DCC: variants seen among roughly 807,000 people sequenced by gnomAD.
The protein encoded by DCC is DCC netrin 1 receptor, also known as netrin receptor DCC.
Under a neutral mutation model 172.5 loss-of-function variants are expected in DCC, and 58 were observed. The observed-to-expected ratio is 0.34, with a 90% CI of 0.27 to 0.42. DCC has a LOEUF of 0.42. Among genes scored for constraint, DCC ranks in the 10% least tolerant of loss-of-function variants. The pLI, the probability that DCC is intolerant of heterozygous loss-of-function variation, is 1.00. For missense variants in DCC, 1,740 were observed against 1,791.0 expected, an observed-to-expected ratio of 0.97 and a Z score of 0.51; for synonymous variants, 709 against 644.5, an observed-to-expected ratio of 1.10 and a Z score of -1.52.
intron 1 of DCC, among the ~76,000 whole-genome samples, chr18:52,438,814 T>C (rs1987878464): frequency 6.6e-6 from 1 of 152,168 alleles, no homozygotes; most frequent in African/African-American, 2.4e-5. Flanking sequence ...TAAAATTCCT[T>C]GAGTTGTGTT....
intron 1 of DCC, among the ~76,000 whole-genome samples, chr18:52,619,849 G>A (rs2034448604): frequency 6.6e-6 from 1 of 152,116 alleles, no homozygotes; most frequent in Admixed American, 6.5e-5. Flanking sequence ...CCCTCTCTCT[G>A]ATAAATTGAG....
At chr18:53,274,308 A>G (rs1195049462) in intron 12 of DCC, among the ~76,000 whole-genome samples, 1 of 152,092 alleles carries the variant, frequency 6.6e-6, no homozygotes, top group Non-Finnish European at 1.5e-5. Flanking sequence ...ACTCGTAGGG[A>G]TTGTGATTGT....
intron 1 of DCC, among the ~76,000 whole-genome samples, chr18:52,644,809 A>AAGGGAGGG (rs779171722): frequency 2.9e-5 from 3 of 104,010 alleles, no homozygotes; most frequent in African/African-American, 7.5e-5. Flanking sequence ...GGAAGGAAGG[A>AAGGGAGGG]AGGGAGGGAG....
In DCC at chr18:53,063,308, C is replaced by T. The variant is rs138541235; in HGVS notation, c.989C>T (p.Pro330Leu). 37 of 1,612,652 alleles carry T rather than the reference C, an allele frequency of 2.3e-5. No homozygotes were observed. The African/African-American group carries it at 2.4e-4, about 10-fold the overall frequency. ...SASAELTVLVPPWFLNHPSNL... is the reference protein window; with the variant it reads ...SASAELTVLVLPWFLNHPSNL... ...TTTTTTTTTTCTGTCTTTGCAGTTC[C>T]GCCATGGTTTTTAAATCATCCTTCC... The change falls in exon 6 of 29, where the codon CCG becomes CTG. Residue 330 changes from proline to leucine, a missense_variant. Pro to Leu is a moderately conservative substitution (Grantham distance 98). Coordinates refer to ENST00000442544, the MANE Select transcript of DCC (RefSeq NM_005215.4).
intron 1 of DCC, among the ~76,000 whole-genome samples, chr18:52,439,290 A>C (rs985761481): frequency 6.6e-5 from 10 of 151,892 alleles, no homozygotes; most frequent in Middle Eastern, 6.8e-3. Context: ...TTGAGAGTAC[A>C]CATCAATAAG....
intron 1 of DCC, among the ~76,000 whole-genome samples, chr18:52,399,218 G>T (rs1234281878): frequency 6.6e-6 from 1 of 151,560 alleles, no homozygotes; most frequent in African/African-American, 2.4e-5. Context: ...TTTCTTTTCT[G>T]GACAAAAGGA....
chr18:53,111,222 G>A (rs1402241302), intron 7 of DCC, among the ~76,000 whole-genome samples: 3 of 132,816 alleles, frequency 2.3e-5, no homozygotes, highest in Admixed American at 8.3e-5. Context: ...ACACAGGAAG[G>A]GGAACATCAC....
intron 9 of DCC, among the ~76,000 whole-genome samples, chr18:53,200,462 T>C (rs935401362): frequency 1.2e-4 from 19 of 152,192 alleles, no homozygotes; most frequent in Non-Finnish European, 2.6e-4. Context: ...GAGTCCCTTC[T>C]ATGTAGCAAC....
At chr18:53,419,070 TG>T in intron 21 of DCC, among the ~76,000 whole-genome samples, 1 of 152,260 alleles carries the variant, frequency 6.6e-6, no homozygotes, top group African/African-American at 2.4e-5. Flanking sequence ...TTTCGTTTTT[TG>T]TAGGGTTGGG....
intron 26 of DCC, among the ~76,000 whole-genome samples, chr18:53,492,884 A>G (rs2045974720): frequency 6.6e-6 from 1 of 152,128 alleles, no homozygotes; most frequent in African/African-American, 2.4e-5. Context: ...CTGATGGGGT[A>G]GCGTTGAATC....
At chr18:52,398,732 T>C (rs1233557759) in intron 1 of DCC, among the ~76,000 whole-genome samples, 1 of 152,014 alleles carries the variant, frequency 6.6e-6, no homozygotes, top group Non-Finnish European at 1.5e-5. Flanking sequence ...TTAGGAGTGA[T>C]ATAAATAGGA....
chr18:53,267,040 T>G (rs1171094199), intron 12 of DCC, among the ~76,000 whole-genome samples: 10 of 151,908 alleles, frequency 6.6e-5, no homozygotes, highest in Admixed American at 5.3e-4. Context: ...GGTAGACAAC[T>G]AGATTAATTG....
intron 11 of DCC, among the ~76,000 whole-genome samples, chr18:53,209,082 GGCCACA>G (rs1264413573): frequency 6.6e-6 from 1 of 152,152 alleles, no homozygotes; most frequent in Non-Finnish European, 1.5e-5. Context: ...TACAGGCATA[GGCCACA>G]GCACCCAGCT....
chr18:53,394,417 C>G (rs1044077978), intron 17 of DCC, among the ~76,000 whole-genome samples: 1 of 152,136 alleles, frequency 6.6e-6, no homozygotes, highest in Non-Finnish European at 1.5e-5. Context: ...CATTTACTCC[C>G]AAATCTATAA....
chr18:53,361,591 G>A (rs10502971), intron 15 of DCC, among the ~76,000 whole-genome samples: 53,569 of 152,022 alleles, frequency 0.35, 10,288 homozygotes, highest in Non-Finnish European at 0.44. Flanking sequence ...TCAGCTATCC[G>A]AAAGAACTGT....
At chr18:53,522,053 TG>T (rs1204304491) in intron 27 of DCC, among the ~76,000 whole-genome samples, 4 of 152,102 alleles carry the variant, frequency 2.6e-5, no homozygotes, top group African/African-American at 7.2e-5. Flanking sequence ...ATTCAAAATA[TG>T]TGGTTGGTAG....
intron 24 of DCC, among the ~76,000 whole-genome samples, chr18:53,461,942 G>A (rs1459571855): frequency 6.6e-6 from 1 of 152,190 alleles, no homozygotes; most frequent in Non-Finnish European, 1.5e-5. Context: ...GGAACGGTGG[G>A]ATTGAGAAGA....
rs2032351723 is a variant in DCC at position 52,538,631 on chromosome 18, C to T, written c.91+197753C>T. On this transcript the variant is annotated intron_variant, in intron 1 of 28. Transcript: ENST00000442544. Reference sequence around the variant, plus strand: ...AGTTCAGGATACCATGTGAATCTTCCTTATCTTCCTATCTCCAGTAGCCCT... The same window carrying T: ...AGTTCAGGATACCATGTGAATCTTCTTTATCTTCCTATCTCCAGTAGCCCT... Among the ~76,000 whole-genome samples, 3 of 152,300 alleles carry T rather than the reference C, an allele frequency of 2.0e-5. No homozygotes were observed. The South Asian group carries it at 6.2e-4, about 32-fold the overall frequency.
intron 5 of DCC, among the ~76,000 whole-genome samples, chr18:52,971,991 C>T (rs2041037940): frequency 6.6e-6 from 1 of 152,120 alleles, no homozygotes; most frequent in South Asian, 2.1e-4. Flanking sequence ...TGACAGTGAG[C>T]TCAGAAATTA....
Sources: allele counts gnomAD v4.1 joint callset (sites outside exome capture counted in the v4.1 genomes callset), GRCh38; gene constraint gnomAD v4.1.1; transcripts MANE v1.5; gene names NCBI Gene and HGNC (gene_info 2026-07-23, HGNC 2026-07-21).